Variants in EIF4EBP2 observed in about 807,000 individuals in gnomAD.
EIF4EBP2 encodes eukaryotic translation initiation factor 4E-binding protein 2.
Under a neutral mutation model 10.3 loss-of-function variants are expected in EIF4EBP2, and 5 were observed. The ratio of observed to expected loss-of-function variants is 0.48; its 90% CI spans 0.25 to 1.02. The LOEUF (loss-of-function observed/expected upper bound fraction) is 1.02, where lower values mean the gene tolerates loss of function less well. Among genes scored for constraint, EIF4EBP2 ranks in the 50% least tolerant of loss-of-function variants. The pLI, the probability that EIF4EBP2 is intolerant of heterozygous loss-of-function variation, is 0.15. For missense variants in EIF4EBP2, 188 were observed against 162.2 expected (o/e 1.16, Z -0.86); for synonymous variants, 67 against 61.1 (o/e 1.10, Z -0.45).
chr10:70,421,450 G>A (rs1845156386), intron 2 of EIF4EBP2, among the ~76,000 whole-genome samples: 1 of 152,214 alleles, frequency 6.6e-6, no homozygotes, highest in East Asian at 1.9e-4. Flanking sequence ...AAGAGCTGCT[G>A]TTTAGTCATC....
chr10:70,418,079 G>A (rs1265957973), intron 1 of EIF4EBP2, among the ~76,000 whole-genome samples: 2 of 152,198 alleles, frequency 1.3e-5, no homozygotes, highest in Non-Finnish European at 2.9e-5. Context: ...GATAGTATTA[G>A]GAGGTGGTGC....
chr10:70,415,222 A>T (rs538340192), intron 1 of EIF4EBP2, among the ~76,000 whole-genome samples: 3 of 152,144 alleles, frequency 2.0e-5, no homozygotes, highest in African/African-American at 7.2e-5. Context: ...AAACAATTTG[A>T]TAGGAATAAC....
In EIF4EBP2 at chr10:70,419,973, C is replaced by G; in HGVS notation, c.205C>G (p.Gln69Glu). The G allele has an allele frequency of 1.9e-6, 3 of 1,611,758 alleles. No homozygotes were observed. The highest frequency in any genetic ancestry group is 2.5e-6 in the Non-Finnish European group (3 of 1,179,244). The change falls in exon 2 of 3, where the codon CAG becomes GAG. Residue 69 changes from glutamine (Q) to glutamate (E), a missense_variant. Transcript: ENST00000373218. ...LLDRRNSPMA[Q>E]TPPCHLPNIP... Reference sequence around the variant, plus strand: ...GGATCGTCGCAATTCTCCCATGGCTCAGACCCCACCCTGCCACCTGCCCAA... The same window carrying G: ...GGATCGTCGCAATTCTCCCATGGCTGAGACCCCACCCTGCCACCTGCCCAA...
intron 1 of EIF4EBP2, among the ~76,000 whole-genome samples, chr10:70,410,514 C>T (rs929432488): frequency 1.3e-5 from 2 of 152,302 alleles, no homozygotes; most frequent in South Asian, 2.1e-4. Flanking sequence ...GGTTATTTGC[C>T]ATAGAGCTTT....
chr10:70,422,035 T>G lies in EIF4EBP2; in HGVS notation c.*288T>G, dbSNP rs1845162628. 4 of 409,118 alleles carry G rather than the reference T, an allele frequency of 9.8e-6. No individual in the cohort carries two copies. The highest frequency in any genetic ancestry group is 3.8e-5 in the Admixed American group (1 of 26,340). 25.3% of individuals were successfully genotyped at this position (409,118 alleles called of 1,614,324 possible). A position where few individuals can be genotyped will look rare whatever the true frequency, so the allele number is the denominator to read the frequency against. The stretch of plus-strand genomic sequence containing the variant: ...CCCTTAGAGGAAAACAGTTCAACTC[T>G]GACTTTCCTAGTTGTTTTTTTATTG... On this transcript the variant is annotated 3_prime_UTR_variant, in exon 3 of 3. Transcript: ENST00000373218.
chr10:70,405,823 G>T (rs1254151411), intron 1 of EIF4EBP2, among the ~76,000 whole-genome samples: 3 of 152,160 alleles, frequency 2.0e-5, no homozygotes, highest in Non-Finnish European at 4.4e-5. Context: ...TGGGGGCTGG[G>T]CGGGCTGCCT....
chr10:70,422,086 T>C lies in EIF4EBP2; in HGVS notation c.*339T>C, dbSNP rs1469404448. ...AGAGCCACCCTCATACCCTGTAATT[T>C]TGTCCCAAATCAAATATCAACCTAC... On this transcript the variant is annotated 3_prime_UTR_variant, in exon 3 of 3. Coordinates refer to ENST00000373218, the MANE Select transcript of EIF4EBP2 (RefSeq NM_004096.5). 7.9e-5 allele frequency: 21 copies of C among 264,260 alleles called. No homozygotes were observed. The highest frequency in any genetic ancestry group is 2.9e-5 in the Non-Finnish European group (4 of 138,188). The allele number at this position is 264,260 out of a possible 1,614,324, so 16.4% of individuals were successfully genotyped here.
chr10:70,414,860 C>A (rs1305794661), intron 1 of EIF4EBP2, among the ~76,000 whole-genome samples: 1 of 151,806 alleles, frequency 6.6e-6, no homozygotes, highest in Non-Finnish European at 1.5e-5. Flanking sequence ...GAGGGAAAAT[C>A]CATCTCAAAA....
Position 70,404,566 on chromosome 10 carries a change from C to G in EIF4EBP2, c.145+20C>G, listed in dbSNP as rs943560615. The G allele has an allele frequency of 4.6e-6, 7 of 1,520,846 alleles. No homozygotes were observed. Among genetic ancestry groups the G allele is most frequent in the Non-Finnish European group, 5.3e-6 (6 of 1,138,524 alleles). 94.2% of individuals were successfully genotyped at this position (1,520,846 alleles called of 1,614,324 possible). A position where few individuals can be genotyped will look rare whatever the true frequency, so the allele number is the denominator to read the frequency against. On this transcript the variant is annotated intron_variant, in intron 1 of 2. Transcript: ENST00000373218. ...CGGGAGGTGAGCGCCGGCCAGCCGTCCGCCGCGCCCGGTGTCCCGCCGCGG... is the reference window on the plus strand; with the variant it reads ...CGGGAGGTGAGCGCCGGCCAGCCGTGCGCCGCGCCCGGTGTCCCGCCGCGG...
chr10:70,420,234 C>T, intron 2 of EIF4EBP2, 135 bp downstream of exon 2: 1 of 833,298 alleles, frequency 1.2e-6, no homozygotes, highest in Non-Finnish European at 1.8e-6. Flanking sequence ...CAGTCTCATT[C>T]TGTCACTGAG....
In EIF4EBP2 at chr10:70,416,303, G is replaced by A. The variant is rs116893447; in HGVS notation, c.146-3611G>A. Among the ~76,000 whole-genome samples, 14 of 152,276 alleles carry A rather than the reference G, an allele frequency of 9.2e-5. No individual in the cohort carries two copies. The East Asian group carries it at 9.7e-4, about 11-fold the overall frequency. On this transcript the variant is annotated intron_variant, in intron 1 of 2. Coordinates refer to ENST00000373218, the MANE Select transcript of EIF4EBP2 (RefSeq NM_004096.5). ...CTTTGAAAAACAGGCAGTTCTGGCC[G>A]GGCGCGGTGGCTCACGCCTGTAATC...
At chr10:70,421,109 T>C (rs755832752) in intron 2 of EIF4EBP2, among the ~76,000 whole-genome samples, 4 of 152,218 alleles carry the variant, frequency 2.6e-5, no homozygotes, top group Non-Finnish European at 4.4e-5. Flanking sequence ...TTGTTTCTTA[T>C]ATGAGTTTCT....
intron 1 of EIF4EBP2, among the ~76,000 whole-genome samples, chr10:70,410,728 G>T (rs537312454): frequency 7.9e-5 from 12 of 152,326 alleles, no homozygotes; most frequent in Non-Finnish European, 1.8e-4. Flanking sequence ...TATGGGGGTG[G>T]GAGAGAGAAA....
At chr10:70,416,664 AAT>A (rs1845099009) in intron 1 of EIF4EBP2, among the ~76,000 whole-genome samples, 1 of 88,832 alleles carries the variant, frequency 1.1e-5, no homozygotes. Flanking sequence ...TTAATTTTTT[AAT>A]TTTTTTTTTT....
intron 1 of EIF4EBP2, among the ~76,000 whole-genome samples, chr10:70,418,882 C>A (rs1845126021): frequency 6.6e-6 from 1 of 152,206 alleles, no homozygotes; most frequent in South Asian, 2.1e-4. Flanking sequence ...GTGGTGCAGT[C>A]ATAGCTCACT....
Position 70,420,060 on chromosome 10 carries a change from T to A in EIF4EBP2, c.292T>A (p.Leu98Met), listed in dbSNP as rs1159986531. The change falls in exon 2 of 3, where the codon TTG becomes ATG. Residue 98 changes from leucine (L) to methionine (M), a missense_variant. Physicochemically the swap from Leu to Met is conservative, Grantham distance 15. Transcript: ENST00000373218. ...AGACTCCAAAGTAGAAGTAAACAAT[T>A]TGAACAACTTGAACAATCACGACAG... ...IEDSKVEVNN[L>M]NNLNNHDRKH... is the part of the protein sequence containing the mutation. The A allele has an allele frequency of 1.2e-6, 2 of 1,610,010 alleles. No homozygotes were observed. The highest frequency in any genetic ancestry group is 1.7e-6 in the Non-Finnish European group (2 of 1,178,776).
intron 1 of EIF4EBP2, among the ~76,000 whole-genome samples, chr10:70,412,186 C>T (rs867424331): frequency 2.3e-4 from 35 of 152,128 alleles, no homozygotes; most frequent in African/African-American, 8.4e-4. Flanking sequence ...GAGAAAGTCC[C>T]AGGAGGAAAG....
rs1845204551 is a variant in EIF4EBP2, at chr10:70,426,170, GAA to G, written c.*4424_*4425del. ...GTTTTTCAGTTTAAGACATTCTAGT[GAA>G]TGGCTGCTATGTGTTTCTGGCACTC... On this transcript the variant is annotated 3_prime_UTR_variant, in exon 3 of 3. Transcript: ENST00000373218. The G allele has an allele frequency of 6.6e-6, 1 of 152,234 alleles. No individual in the cohort carries two copies. Among genetic ancestry groups the G allele is most frequent in the East Asian group, 1.9e-4 (1 of 5,200 alleles). The allele number at this position is 152,234 out of a possible 1,614,324, so 9.4% of individuals were successfully genotyped here. A position where few individuals can be genotyped will look rare whatever the true frequency, so the allele number is the denominator to read the frequency against.
intron 2 of EIF4EBP2, among the ~76,000 whole-genome samples, chr10:70,421,196 A>G (rs1845153922): frequency 6.6e-6 from 1 of 151,992 alleles, no homozygotes; most frequent in African/African-American, 2.4e-5. Flanking sequence ...TACCTAAATT[A>G]CCCCTCCTCC....
Sources: gnomAD v4.1 joint callset for allele counts (sites outside exome capture counted in the v4.1 genomes callset) on GRCh38, gnomAD v4.1.1 for gene constraint, MANE v1.5 for transcripts, NCBI Gene and HGNC (gene_info 2026-07-23, HGNC 2026-07-21) for gene names.